The following ARHGAP39 variants were observed in gnomAD, a reference collection of about 807,000 sequenced individuals.
ARHGAP39 encodes the protein Rho GTPase activating protein 39.
A neutral mutation model predicts 106.9 loss-of-function variants in ARHGAP39; 44 were observed. That is an observed-to-expected ratio of 0.41 (90% CI 0.32 to 0.53). The LOEUF (loss-of-function observed/expected upper bound fraction) is 0.53. Ranked by LOEUF, ARHGAP39 falls within the 20% of genes least tolerant of loss-of-function variation. The probability of loss-of-function intolerance (pLI) is 0.21; values close to 1 mark genes in which losing one functional copy is unlikely to be tolerated. For synonymous variants in ARHGAP39, 768 were observed against 693.2 expected (o/e 1.11, Z -1.69); for missense variants, 1,496 against 1,577.3 (o/e 0.95, Z 0.87).
chr8:144,580,545 G>A (rs771176278), intron 3 of ARHGAP39, among the ~76,000 whole-genome samples: 5 of 152,112 alleles, frequency 3.3e-5, no homozygotes, highest in South Asian at 2.1e-4. Flanking sequence ...GGCCACTCGC[G>A]GGGACACTGA....
chr8:144,658,195 C>T (rs565219702), intron 1 of ARHGAP39, among the ~76,000 whole-genome samples: 10 of 152,148 alleles, frequency 6.6e-5, no homozygotes, highest in East Asian at 1.9e-4. Flanking sequence ...CTGTAACCTC[C>T]GCCTCCCAGG....
intron 2 of ARHGAP39, among the ~76,000 whole-genome samples, chr8:144,589,122 C>T (rs915393092): frequency 1.3e-5 from 2 of 152,272 alleles, no homozygotes; most frequent in East Asian, 1.9e-4. Context: ...GGCGGCATGA[C>T]GGCGAGGGTA....
intron 2 of ARHGAP39, among the ~76,000 whole-genome samples, chr8:144,582,762 G>C (rs1384816484): frequency 2.0e-5 from 3 of 152,178 alleles, no homozygotes; most frequent in Non-Finnish European, 4.4e-5. Flanking sequence ...AATGAAGGAG[G>C]GCCAGTGAGA....
chr8:144,602,581 CATGT>C (rs1172504238), intron 2 of ARHGAP39, among the ~76,000 whole-genome samples: 11 of 114,948 alleles, frequency 9.6e-5, no homozygotes, highest in African/African-American at 3.8e-4. Flanking sequence ...TACCTGTGTG[CATGT>C]GTGTGGAGGT....
Position 144,548,639 on chromosome 8 carries a change from C to G in ARHGAP39, c.597-150G>C. ...CCCTGTGGCCTGGCGCCCCTCACAC[C>G]TGCCTTGCCCCAGCACCCCCAGCCC... On this transcript the variant is annotated intron_variant, in intron 4 of 11. Coordinates refer to ENST00000377307, the MANE Select transcript of ARHGAP39 (RefSeq NM_025251.3). The surrounding 1 kb of genome is among the most constrained non-coding windows in gnomAD (Gnocchi z 7.4). 1.7e-6 allele frequency: 2 copies of G among 1,145,660 alleles called. No homozygotes were observed. Among genetic ancestry groups the G allele is most frequent in the Non-Finnish European group, 2.4e-6 (2 of 837,932 alleles). 71.0% of individuals were successfully genotyped at this position (1,145,660 alleles called of 1,614,324 possible). A position where few individuals can be genotyped will look rare whatever the true frequency, so the allele number is the denominator to read the frequency against.
chr8:144,571,165 CAG>C (rs1465912521), intron 3 of ARHGAP39, among the ~76,000 whole-genome samples: 4 of 152,132 alleles, frequency 2.6e-5, no homozygotes, highest in African/African-American at 9.7e-5. Context: ...CAAAGGCTGG[CAG>C]AGACACAACA....
intron 6 of ARHGAP39, among the ~76,000 whole-genome samples, chr8:144,538,379 G>A (rs1028691458): frequency 2.0e-5 from 3 of 152,210 alleles, no homozygotes; most frequent in South Asian, 4.1e-4. Flanking sequence ...GTGAGGTACC[G>A]TCTCCTCCTC....
chr8:144,555,342 G>A (rs111874480), intron 4 of ARHGAP39, among the ~76,000 whole-genome samples: 1 of 152,352 alleles, frequency 6.6e-6, no homozygotes, highest in African/African-American at 2.4e-5. Flanking sequence ...CCTAAGCCAG[G>A]CAGAGACAAA....
intron 2 of ARHGAP39, among the ~76,000 whole-genome samples, chr8:144,588,711 A>AGGCAGCACGGC (rs1819274543): frequency 6.6e-6 from 1 of 152,256 alleles, no homozygotes; most frequent in Non-Finnish European, 1.5e-5. Flanking sequence ...TCACAGCCGG[A>AGGCAGCACGGC]GGCAGCACGG....
intron 2 of ARHGAP39, among the ~76,000 whole-genome samples, chr8:144,592,159 T>C (rs1044466848): frequency 6.6e-6 from 1 of 152,194 alleles, no homozygotes; most frequent in African/African-American, 2.4e-5. Flanking sequence ...TAGCATTTTG[T>C]TCCCTTTTCA....
rs200665709 is a variant in ARHGAP39 at position 144,532,408 on chromosome 8, A to G, written c.2889-12T>C. ...TGTCCCCAGGGACCCTGCAGGGCACAGGGCAGGTCTCAGGCAACAGGAGCC... is the reference window on the plus strand; with the variant it reads ...TGTCCCCAGGGACCCTGCAGGGCACGGGGCAGGTCTCAGGCAACAGGAGCC... On this transcript the variant is annotated splice_polypyrimidine_tract_variant and intron_variant, in intron 9 of 11. Transcript: ENST00000377307. 4.3e-6 allele frequency: 7 copies of G among 1,609,788 alleles called. No individual in the cohort carries two copies. In the East Asian group the frequency reaches 1.1e-4, roughly 26 times the overall value.
intron 1 of ARHGAP39, among the ~76,000 whole-genome samples, chr8:144,643,242 G>T (rs1419873933): frequency 6.6e-6 from 1 of 152,066 alleles, no homozygotes; most frequent in African/African-American, 2.4e-5. Flanking sequence ...TGAGTGGACT[G>T]CTTGAACTCA....
At chr8:144,689,462 A>G (rs1183237972), upstream of ARHGAP39, among the ~76,000 whole-genome samples, 7 of 98,266 alleles carry the variant, frequency 7.1e-5, no homozygotes, top group East Asian at 2.5e-3. Flanking sequence ...TTTGAAAAGG[A>G]GTCTCACTCT....
At chr8:144,669,041 G>C (rs565350396) in intron 1 of ARHGAP39, among the ~76,000 whole-genome samples, 36 of 151,622 alleles carry the variant, frequency 2.4e-4, no homozygotes, top group African/African-American at 8.2e-4. Flanking sequence ...TTTTGACAAA[G>C]GTGCCAAGAC....
chr8:144,686,070 C>G (rs1386275046), upstream of ARHGAP39, among the ~76,000 whole-genome samples: 1 of 151,996 alleles, frequency 6.6e-6, no homozygotes, highest in East Asian at 1.9e-4. Context: ...CCGCGCGGAC[C>G]TACCCTGTGA....
chr8:144,559,348 T>C (rs1404718195), intron 3 of ARHGAP39, among the ~76,000 whole-genome samples: 1 of 128,148 alleles, frequency 7.8e-6, no homozygotes, highest in Non-Finnish European at 1.6e-5. Context: ...AGAGTGACTT[T>C]GTCTCCAAAA....
chr8:144,598,262 C>T (rs1221164422), intron 2 of ARHGAP39, among the ~76,000 whole-genome samples: 1 of 152,118 alleles, frequency 6.6e-6, no homozygotes, highest in Non-Finnish European at 1.5e-5. Context: ...TGGGCCTTTC[C>T]ACGTTGCGTG....
intron 1 of ARHGAP39, among the ~76,000 whole-genome samples, chr8:144,652,966 C>G (rs1283480012): frequency 1.3e-5 from 2 of 152,098 alleles, no homozygotes; most frequent in Non-Finnish European, 2.9e-5. Context: ...TTATCAGGTT[C>G]TCAACGTGAT....
Position 144,679,002 on chromosome 8 carries a change from C to A in ARHGAP39, c.-82+6684G>T, listed in dbSNP as rs1246258352. On this transcript the variant is annotated intron_variant, in intron 1 of 11. Coordinates refer to ENST00000377307, the MANE Select transcript of ARHGAP39 (RefSeq NM_025251.3). This position sits in a 1 kb window ranked among gnomAD's most constrained non-coding sequence, Gnocchi z 4.7. ...CTGGCAAGAGGACCTGGAGCCGTAC[C>A]ACATGGCAGCTGAGAGGGGGACCCA... is the stretch of plus-strand genomic sequence containing the variant. 6.6e-6 allele frequency among the ~76,000 whole-genome samples: 1 copy of A among 152,036 alleles called. No homozygotes were observed. Among genetic ancestry groups the A allele is most frequent in the Non-Finnish European group, 1.5e-5 (1 of 68,006 alleles).
Sources: gnomAD v4.1 joint callset for allele counts (sites outside exome capture counted in the v4.1 genomes callset) on GRCh38, gnomAD v4.1.1 for gene constraint, Gnocchi (gnomAD v3.1) non-coding constraint, MANE v1.5 for transcripts, NCBI Gene and HGNC (gene_info 2026-07-23, HGNC 2026-07-21) for gene names.